Variants in RAB1B observed in about 807,000 individuals in gnomAD.
RAB1B encodes RAB1B, member RAS oncogene family.
Under a neutral mutation model 24.8 loss-of-function variants are expected in RAB1B, and 10 were observed. The ratio of observed to expected loss-of-function variants is 0.40; its 90% CI spans 0.25 to 0.68. RAB1B has a LOEUF of 0.68. RAB1B is among the 30% of genes least tolerant of loss of function. RAB1B has a pLI of 0.37. For synonymous variants in RAB1B, 99 were observed against 111.7 expected (o/e 0.89, Z 0.72); for missense variants, 154 against 271.2 (o/e 0.57, Z 3.04).
At position 66,276,248 on chromosome 11, in the gene RAB1B, A is replaced by AT; in HGVS notation, c.*11dup. ...CGGTGGCTGTTGCTAGGAGGGGCACATGGAGTGGGACAGGAGGGGGCACCT... is the reference window on the plus strand; with the variant it reads ...CGGTGGCTGTTGCTAGGAGGGGCACATTGGAGTGGGACAGGAGGGGGCACCT... On this transcript the variant is annotated 3_prime_UTR_variant, in exon 6 of 6. Transcript: ENST00000311481. 1 of 1,577,612 alleles carries AT rather than the reference A, an allele frequency of 6.3e-7. No individual in the cohort carries two copies. Among genetic ancestry groups the AT allele is most frequent in the Non-Finnish European group, 8.6e-7 (1 of 1,166,066 alleles).
At chr11:66,269,174 A>T (rs1857007550) in intron 1 of RAB1B, among the ~76,000 whole-genome samples, 1 of 151,992 alleles carries the variant, frequency 6.6e-6, no homozygotes, top group East Asian at 1.9e-4. Context: ...AAGCTAGCCA[A>T]CTACGCGGGA....
chr11:66,276,106 C>T lies in RAB1B; in HGVS notation c.474C>T (p.Val158=), dbSNP rs960806114. Residue 158 remains valine (V), a synonymous_variant, in exon 6 of 6, where the codon GTC becomes GTT. Coordinates refer to ENST00000311481, the MANE Select transcript of RAB1B (RefSeq NM_030981.3). Reference sequence around the variant, plus strand: ...CGAGCGCCAAGAATGCCACCAATGTCGAGCAGGCGTTCATGACCATGGCTG... The same window carrying T: ...CGAGCGCCAAGAATGCCACCAATGTTGAGCAGGCGTTCATGACCATGGCTG... The part of the protein sequence containing the change: ...LETSAKNATN[V]EQAFMTMAAE... 5 of 1,613,810 alleles carry T rather than the reference C, an allele frequency of 3.1e-6. No homozygotes were observed. The highest frequency in any genetic ancestry group is 1.6e-4 in the Middle Eastern group (1 of 6,082).
intron 1 of RAB1B, chr11:66,271,488 CAAA>C (rs71270565): frequency 0.01 from 507 of 48,398 alleles, no homozygotes; most frequent in South Asian, 0.03. Flanking sequence ...AACTCAGTCT[CAAA>C]AAAAAAAAAA....
In RAB1B at chr11:66,272,432, T is replaced by C; in HGVS notation, c.251T>C (p.Ile84Thr). The change falls in exon 4 of 6, where the codon ATC becomes ACC. Residue 84 changes from isoleucine (I) to threonine (T), a missense_variant. Ile to Thr is a moderately conservative substitution (Grantham distance 89, BLOSUM62 -1). Around this residue, in one of 2 missense-constraint regions of RAB1B, gnomAD observed 77 missense variants for 173.4 expected, o/e 0.44. Transcript: ENST00000311481. ...TSSYYRGAHG[I>T]IVVYDVTDQE... ...AGCTACTACCGGGGGGCTCATGGCA[T>C]CATCGTGGTGTATGACGTCACTGAC... is the stretch of plus-strand genomic sequence containing the variant. 6.2e-7 allele frequency: 1 copy of C among 1,603,022 alleles called. No homozygotes were observed. Among genetic ancestry groups the C allele is most frequent in the Non-Finnish European group, 8.5e-7 (1 of 1,173,588 alleles).
chr11:66,273,943 C>T (rs1857101239), intron 4 of RAB1B, among the ~76,000 whole-genome samples: 1 of 152,170 alleles, frequency 6.6e-6, no homozygotes, highest in Non-Finnish European at 1.5e-5. Flanking sequence ...CACTGTCTCT[C>T]CCCAAACCAG....
chr11:66,269,998 C>G (rs1259367752), intron 1 of RAB1B: 1 of 152,122 alleles, frequency 6.6e-6, no homozygotes, highest in Non-Finnish European at 1.5e-5. Context: ...CCTTGTCCTC[C>G]TGAGTAGCTG....
intron 4 of RAB1B, among the ~76,000 whole-genome samples, chr11:66,273,979 T>A (rs1158084506): frequency 1.3e-5 from 2 of 152,122 alleles, no homozygotes; most frequent in Non-Finnish European, 2.9e-5. Context: ...TTTTAATATT[T>A]TTATTTATTT....
intron 4 of RAB1B, among the ~76,000 whole-genome samples, chr11:66,274,303 A>G (rs1029512210): frequency 6.6e-6 from 1 of 152,212 alleles, no homozygotes; most frequent in Non-Finnish European, 1.5e-5. Flanking sequence ...GCTCTTGCCA[A>G]TTAAGCACTT....
intron 4 of RAB1B, among the ~76,000 whole-genome samples, chr11:66,274,505 G>A (rs1473961785): frequency 2.0e-5 from 3 of 152,142 alleles, no homozygotes; most frequent in Non-Finnish European, 4.4e-5. Flanking sequence ...CTGGCTCAGT[G>A]CACGTTCTCT....
In RAB1B at chr11:66,276,436, C is replaced by G. The variant is rs1178038696; in HGVS notation, c.*198C>G. ...CTGTCAGGGTCCCTAAGGGAGGACA[C>G]TCAGGGCCTGTGGCCAGGCAGGGCG... On this transcript the variant is annotated 3_prime_UTR_variant, in exon 6 of 6. Transcript: ENST00000311481. The G allele has an allele frequency of 3.5e-6, 2 of 576,302 alleles. No homozygotes were observed. Among genetic ancestry groups the G allele is most frequent in the Admixed American group, 7.4e-5 (2 of 27,010 alleles). The allele number at this position is 576,302 out of a possible 1,614,324, so 35.7% of individuals were successfully genotyped here.
intron 2 of RAB1B, 78 bp downstream of exon 2, chr11:66,271,947 A>G: frequency 8.3e-7 from 1 of 1,207,566 alleles, no homozygotes; most frequent in Non-Finnish European, 1.2e-6. Flanking sequence ...CACAGAGCAC[A>G]GTAGTTGCAA....
chr11:66,276,100 C>T lies in RAB1B; in HGVS notation c.468C>T (p.Thr156=), dbSNP rs2134867950. ...PFLETSAKNA[T]NVEQAFMTMA... ...TGGAGACGAGCGCCAAGAATGCCAC[C>T]AATGTCGAGCAGGCGTTCATGACCA... is the stretch of plus-strand genomic sequence containing the variant. Residue 156 remains threonine (T), a synonymous_variant, in exon 6 of 6, where the codon ACC becomes ACT. Transcript: ENST00000311481. 6.8e-6 allele frequency: 11 copies of T among 1,613,972 alleles called. No homozygotes were observed. Among genetic ancestry groups the T allele is most frequent in the Non-Finnish European group, 9.3e-6 (11 of 1,179,948 alleles).
intron 1 of RAB1B, chr11:66,269,989 C>G (rs1208373899): frequency 6.6e-6 from 1 of 152,098 alleles, no homozygotes; most frequent in East Asian, 1.9e-4. Flanking sequence ...GTCCTCCTGC[C>G]TTGTCCTCCT....
chr11:66,276,557 A>C lies in RAB1B; in HGVS notation c.*319A>C. 1 of 317,114 alleles carries C rather than the reference A, an allele frequency of 3.2e-6. No individual in the cohort carries two copies. The highest frequency in any genetic ancestry group is 5.8e-6 in the Non-Finnish European group (1 of 172,904). The allele number at this position is 317,114 out of a possible 1,614,324, so 19.6% of individuals were successfully genotyped here. On this transcript the variant is annotated 3_prime_UTR_variant, in exon 6 of 6. Coordinates refer to ENST00000311481, the MANE Select transcript of RAB1B (RefSeq NM_030981.3). ...GGGCTCTTCTGTCGGTGTCCCTCCCACCCCCATGTATGCTGCACTGGGTTC... is the reference window on the plus strand; with the variant it reads ...GGGCTCTTCTGTCGGTGTCCCTCCCCCCCCCATGTATGCTGCACTGGGTTC...
At chr11:66,272,038 G>T in intron 2 of RAB1B, 119 bp from the exon 3 acceptor site, 1 of 972,442 alleles carries the variant, frequency 1.0e-6, no homozygotes, top group Non-Finnish European at 1.7e-6. Flanking sequence ...CCAGCTGAGT[G>T]CTGGGAATTG....
In RAB1B at chr11:66,276,330, G is replaced by A. The variant is rs576606115; in HGVS notation, c.*92G>A. On this transcript the variant is annotated 3_prime_UTR_variant, in exon 6 of 6. Coordinates refer to ENST00000311481, the MANE Select transcript of RAB1B (RefSeq NM_030981.3). ...GGTACCTCCCTCTCCCTCTCCTGGGGCATTTGAGTCTGTGGCTTTGGGGTG... is the reference window on the plus strand; with the variant it reads ...GGTACCTCCCTCTCCCTCTCCTGGGACATTTGAGTCTGTGGCTTTGGGGTG... 4 of 1,264,172 alleles carry A rather than the reference G, an allele frequency of 3.2e-6. No homozygotes were observed. Among genetic ancestry groups the A allele is most frequent in the East Asian group, 2.5e-5 (1 of 39,216 alleles). 78.3% of individuals were successfully genotyped at this position (1,264,172 alleles called of 1,614,324 possible).
intron 2 of RAB1B, 91 bp from the exon 3 acceptor site, chr11:66,272,066 G>T (rs575125265): frequency 2.8e-6 from 3 of 1,063,166 alleles, no homozygotes; most frequent in African/African-American, 1.6e-5. Context: ...GTGGTTCGGA[G>T]ACCCAGCTGG....
Position 66,277,077 on chromosome 11 carries a change from T to TC in RAB1B, c.*843dup, listed in dbSNP as rs1220921268. 6.5e-6 allele frequency: 1 copy of TC among 152,794 alleles called. No homozygotes were observed. The highest frequency in any genetic ancestry group is 1.5e-5 in the Non-Finnish European group (1 of 68,172). The allele number at this position is 152,794 out of a possible 1,614,324, so 9.5% of individuals were successfully genotyped here. A position where few individuals can be genotyped will look rare whatever the true frequency, so the allele number is the denominator to read the frequency against. ...CCCCAAGGTAGCACATCTGGCTCAC[T>TC]CCCCACTCCGTCTCTGGAGCCCACC... On this transcript the variant is annotated 3_prime_UTR_variant, in exon 6 of 6. Transcript: ENST00000311481.
rs1456556189 is a variant in RAB1B at position 66,268,657 on chromosome 11, C to A, written c.-23C>A. On this transcript the variant is annotated 5_prime_UTR_variant, in exon 1 of 6. Transcript: ENST00000311481. ...GCGGAGCAGAGTCGACTGGGAGCGACCGAGCGGGCCGCCGCCGCCGCCATG... is the reference window on the plus strand; with the variant it reads ...GCGGAGCAGAGTCGACTGGGAGCGAACGAGCGGGCCGCCGCCGCCGCCATG... The A allele has an allele frequency of 1.3e-6, 2 of 1,561,698 alleles. No homozygotes were observed. Among genetic ancestry groups the A allele is most frequent in the Non-Finnish European group, 1.7e-6 (2 of 1,155,502 alleles).
Sources: allele counts gnomAD v4.1 joint callset (sites outside exome capture counted in the v4.1 genomes callset), GRCh38; gene constraint gnomAD v4.1.1; regional missense constraint gnomAD v4.1.1; transcripts MANE v1.5; gene names NCBI Gene and HGNC (gene_info 2026-07-23, HGNC 2026-07-21).